EIPR1: variants seen among roughly 807,000 people sequenced by gnomAD.
EIPR1 encodes EARP complex and GARP complex interacting protein 1.
Under a neutral mutation model 48.1 loss-of-function variants are expected in EIPR1, and 25 were observed. The ratio of observed to expected loss-of-function variants is 0.52; its 90% CI spans 0.38 to 0.73. The LOEUF (loss-of-function observed/expected upper bound fraction) is 0.73. EIPR1 is among the 30% of genes least tolerant of loss of function. EIPR1 has a pLI of 0.00. For synonymous variants in EIPR1, 204 were observed against 201.9 expected (o/e 1.01, Z -0.09); for missense variants, 415 against 506.2 (o/e 0.82, Z 1.73).
chr2:3,214,642 C>T (rs996010220), intron 4 of EIPR1, among the ~76,000 whole-genome samples: 1 of 152,210 alleles, frequency 6.6e-6, no homozygotes, highest in African/African-American at 2.4e-5. Flanking sequence ...TCACAACACT[C>T]ACATCAGCCT....
chr2:3,306,831 C>A (rs1303818301), intron 3 of EIPR1, among the ~76,000 whole-genome samples: 2 of 152,174 alleles, frequency 1.3e-5, no homozygotes, highest in Non-Finnish European at 2.9e-5. Context: ...TGGACCCCCC[C>A]AGTCCAAACC....
At chr2:3,290,156 C>T (rs921750372) in intron 3 of EIPR1, among the ~76,000 whole-genome samples, 3 of 152,232 alleles carry the variant, frequency 2.0e-5, no homozygotes, top group Non-Finnish European at 4.4e-5. Context: ...GTGGGTGCTA[C>T]AGGCCCAGCA....
Position 3,335,844 on chromosome 2 carries a change from G to A in EIPR1, c.259+2173C>T, listed in dbSNP as rs143052893. Among the ~76,000 whole-genome samples, 909 of 152,232 alleles carry A rather than the reference G, an allele frequency of 6.0e-3. 11 individuals are homozygous for A. The highest frequency in any genetic ancestry group is 0.021 in the African/African-American group (875 of 41,516). ...CTGTGATTGTGCGTTTCCTGAGGCCGCCCAGTCATGCTTCCTGTTAAGCCC... is the reference window on the plus strand; with the variant it reads ...CTGTGATTGTGCGTTTCCTGAGGCCACCCAGTCATGCTTCCTGTTAAGCCC... On this transcript the variant is annotated intron_variant, in intron 3 of 8. Coordinates refer to ENST00000382125, the MANE Select transcript of EIPR1 (RefSeq NM_003310.5).
chr2:3,359,235 T>C lies in EIPR1; in HGVS notation c.43-4602A>G, dbSNP rs117497821. On this transcript the variant is annotated intron_variant, in intron 1 of 8. Transcript: ENST00000382125. ...AGGATTAAATGCCATCACTTTAAAA[T>C]AGAAGAAAACCAAAAATAAGTAAAT... Among the ~76,000 whole-genome samples the C allele has an allele frequency of 2.7e-3, 418 of 152,238 alleles. 12 individuals are homozygous for C. The East Asian group carries it at 0.064, about 23-fold the overall frequency.
intron 3 of EIPR1, chr2:3,274,422 A>G: frequency 6.4e-7 from 1 of 1,550,524 alleles, no homozygotes. Flanking sequence ...ACAAAATGCT[A>G]GAAAAAAAGT....
intron 3 of EIPR1, among the ~76,000 whole-genome samples, chr2:3,284,852 G>A (rs1302906424): frequency 2.0e-5 from 3 of 152,156 alleles, no homozygotes; most frequent in Non-Finnish European, 2.9e-5. Flanking sequence ...AGGTGGCTGC[G>A]AGAGGACAGA....
At chr2:3,274,425 A>G in intron 3 of EIPR1, 2 of 1,550,560 alleles carry the variant, frequency 1.3e-6, no homozygotes, top group Non-Finnish European at 1.7e-6. Flanking sequence ...AAATGCTAGA[A>G]AAAAAGTCAG....
intron 1 of EIPR1, among the ~76,000 whole-genome samples, chr2:3,377,094 G>A (rs1659909039): frequency 6.6e-6 from 1 of 152,212 alleles, no homozygotes; most frequent in Non-Finnish European, 1.5e-5. Context: ...TAAAAAACTA[G>A]TGTGAAAACA....
At chr2:3,266,582 T>C (rs1667496747) in intron 3 of EIPR1, among the ~76,000 whole-genome samples, 1 of 152,146 alleles carries the variant, frequency 6.6e-6, no homozygotes, top group Non-Finnish European at 1.5e-5. Flanking sequence ...CTCCAGGCAC[T>C]GGTGAGGGGC....
At chr2:3,306,406 T>C (rs1401721082) in intron 3 of EIPR1, among the ~76,000 whole-genome samples, 1 of 152,220 alleles carries the variant, frequency 6.6e-6, no homozygotes, top group East Asian at 1.9e-4. Context: ...TCATAAGAAG[T>C]TTGGTTTTCT....
At chr2:3,288,224 A>C (rs1668266039) in intron 3 of EIPR1, among the ~76,000 whole-genome samples, 1 of 152,176 alleles carries the variant, frequency 6.6e-6, no homozygotes, top group South Asian at 2.1e-4. Flanking sequence ...CAGGTGTGCT[A>C]TTTCCAAGCC....
intron 1 of EIPR1, among the ~76,000 whole-genome samples, chr2:3,368,767 A>C (rs1345894427): frequency 6.6e-6 from 1 of 152,254 alleles, no homozygotes; most frequent in African/African-American, 2.4e-5. Flanking sequence ...CTGAGCAGTA[A>C]ACTAAAAGTG....
chr2:3,333,926 C>A (rs138554710), intron 3 of EIPR1, among the ~76,000 whole-genome samples: 47 of 152,326 alleles, frequency 3.1e-4, no homozygotes, highest in African/African-American at 1.1e-3. Flanking sequence ...ACTGTCCACA[C>A]TGGCTGCCCC....
intron 3 of EIPR1, among the ~76,000 whole-genome samples, chr2:3,291,070 G>T (rs116743504): frequency 0.02 from 3,120 of 152,288 alleles, 37 homozygotes; most frequent in Non-Finnish European, 0.031. Flanking sequence ...CCCCACGGCT[G>T]GCATTGATGA....
At chr2:3,351,907 C>G (rs1386491110) in intron 2 of EIPR1, among the ~76,000 whole-genome samples, 1 of 152,250 alleles carries the variant, frequency 6.6e-6, no homozygotes, top group Non-Finnish European at 1.5e-5. Flanking sequence ...ACATACCATT[C>G]TGAGTAGTGT....
At chr2:3,334,651 T>C (rs1669991517) in intron 3 of EIPR1, among the ~76,000 whole-genome samples, 1 of 152,252 alleles carries the variant, frequency 6.6e-6, no homozygotes, top group Non-Finnish European at 1.5e-5. Context: ...TGTGCTGCTC[T>C]TTCCTGATCA....
At chr2:3,270,963 C>T (rs1288881113) in intron 3 of EIPR1, among the ~76,000 whole-genome samples, 1 of 152,272 alleles carries the variant, frequency 6.6e-6, no homozygotes, top group African/African-American at 2.4e-5. Context: ...AAAACCCTAA[C>T]ACTGCTTTAT....
At chr2:3,200,899 G>C (rs1324106688) in intron 5 of EIPR1, among the ~76,000 whole-genome samples, 1 of 152,158 alleles carries the variant, frequency 6.6e-6, no homozygotes, top group African/African-American at 2.4e-5. Context: ...AACCAGAAAG[G>C]CTGGGCAGGT....
chr2:3,230,399 G>C (rs75455041), intron 4 of EIPR1, among the ~76,000 whole-genome samples: 5,506 of 152,250 alleles, frequency 0.036, 149 homozygotes, highest in Non-Finnish European at 0.056. Flanking sequence ...GCAGCTGAAG[G>C]GGGTGGGAGG....
Sources: allele counts gnomAD v4.1 joint callset (sites outside exome capture counted in the v4.1 genomes callset), GRCh38; gene constraint gnomAD v4.1.1; transcripts MANE v1.5; gene names NCBI Gene and HGNC (gene_info 2026-07-23, HGNC 2026-07-21).